The following MSI2 variants were observed in gnomAD, a reference collection of about 807,000 sequenced individuals.
MSI2 encodes the protein musashi RNA binding protein 2.
A neutral mutation model predicts 45.6 loss-of-function variants in MSI2; 17 were observed. That is an observed-to-expected ratio of 0.37 (90% CI 0.26 to 0.56). The LOEUF is 0.56. Among genes scored for constraint, MSI2 ranks in the 20% least tolerant of loss-of-function variants. The pLI is 0.77. For missense variants in MSI2, 293 were observed against 444.2 expected (o/e 0.66, Z 3.06); for synonymous variants, 156 against 158.2 (o/e 0.99, Z 0.11).
At chr17:57,648,442 T>A (rs1038014580) in intron 10 of MSI2, among the ~76,000 whole-genome samples, 1 of 152,144 alleles carries the variant, frequency 6.6e-6, no homozygotes, top group Admixed American at 6.5e-5. Context: ...TTGCCCAAAG[T>A]CACACAGCTA....
intron 7 of MSI2, among the ~76,000 whole-genome samples, chr17:57,590,384 T>A (rs917694733): frequency 6.6e-6 from 1 of 152,252 alleles, no homozygotes; most frequent in South Asian, 2.1e-4. Flanking sequence ...CATTTTAATT[T>A]TGAGGTATCT....
chr17:57,387,630 C>T (rs144843534), intron 5 of MSI2, among the ~76,000 whole-genome samples: 5 of 152,228 alleles, frequency 3.3e-5, no homozygotes, highest in East Asian at 1.9e-4. Context: ...GATGGGCTGG[C>T]GATGGATTGA....
intron 7 of MSI2, among the ~76,000 whole-genome samples, chr17:57,551,854 A>T (rs1000534471): frequency 6.6e-5 from 10 of 152,122 alleles, no homozygotes; most frequent in African/African-American, 2.4e-4. Flanking sequence ...AGGTGATTTT[A>T]TGTGCTGACC....
At chr17:57,316,226 T>C (rs1198429660) in intron 5 of MSI2, among the ~76,000 whole-genome samples, 1 of 152,118 alleles carries the variant, frequency 6.6e-6, no homozygotes. Flanking sequence ...ACATTTACAA[T>C]CTCTAAATTT....
At chr17:57,666,790 C>G (rs1377905223) in intron 11 of MSI2, among the ~76,000 whole-genome samples, 1 of 152,122 alleles carries the variant, frequency 6.6e-6, no homozygotes, top group African/African-American at 2.4e-5. Context: ...GAGCACACCA[C>G]AGAGCAGCAA....
At chr17:57,439,485 G>C (rs2084756378) in intron 6 of MSI2, among the ~76,000 whole-genome samples, 1 of 152,032 alleles carries the variant, frequency 6.6e-6, no homozygotes, top group Non-Finnish European at 1.5e-5. Context: ...GACCTCCCTT[G>C]AGGTGACTTT....
intron 8 of MSI2, chr17:57,602,149 G>A (rs986781681): frequency 2.6e-5 from 4 of 152,104 alleles, no homozygotes; most frequent in Non-Finnish European, 5.9e-5. Flanking sequence ...GGCCCAGGAT[G>A]GCTTTGAATG....
intron 6 of MSI2, among the ~76,000 whole-genome samples, chr17:57,470,908 A>G (rs929463295): frequency 6.6e-6 from 1 of 152,158 alleles, no homozygotes; most frequent in African/African-American, 2.4e-5. Flanking sequence ...TAGGGCCCTT[A>G]TGGAGGTTAA....
chr17:57,675,081 T>C lies in MSI2; in HGVS notation c.900T>C (p.Ser300=), dbSNP rs376818853. 21 of 1,613,888 alleles carry C rather than the reference T, an allele frequency of 1.3e-5. No individual in the cohort carries two copies. The highest frequency in any genetic ancestry group is 4.4e-5 in the South Asian group (4 of 91,074). Residue 300 remains serine (S), a synonymous_variant, in exon 12 of 14, where the codon AGT becomes AGC. Coordinates refer to ENST00000284073, the MANE Select transcript of MSI2 (RefSeq NM_138962.4). The stretch of plus-strand genomic sequence containing the variant: ...ACTCCGGAGTGGGGAATTACATAAG[T>C]GCGGCCAGCCCACAGCCGGGCTCGG... ...SQDSGVGNYI[S]AASPQPGSGF... is the part of the protein sequence containing the mutation.
chr17:57,405,697 G>T (rs1023111080), intron 6 of MSI2, among the ~76,000 whole-genome samples: 2 of 152,204 alleles, frequency 1.3e-5, no homozygotes, highest in Non-Finnish European at 2.9e-5. Context: ...CAGAAAAACT[G>T]TTATAGTATT....
intron 5 of MSI2, among the ~76,000 whole-genome samples, chr17:57,277,142 G>A (rs769192770): frequency 4.2e-5 from 6 of 144,102 alleles, no homozygotes; most frequent in African/African-American, 1.3e-4. Flanking sequence ...TGCAGCCTCC[G>A]CCTCCTGGGT....
intron 10 of MSI2, chr17:57,631,961 A>C (rs1268465448): frequency 8.9e-6 from 13 of 1,457,706 alleles, no homozygotes; most frequent in Non-Finnish European, 1.2e-5. Context: ...TGTTTGAATG[A>C]CTGTTCTTTT....
intron 6 of MSI2, among the ~76,000 whole-genome samples, chr17:57,468,370 A>G (rs1350425791): frequency 6.6e-6 from 1 of 151,626 alleles, no homozygotes; most frequent in Admixed American, 6.6e-5. Flanking sequence ...ATACAAAAAA[A>G]ATTAGCCGGG....
At chr17:57,388,315 A>G (rs144043157) in intron 5 of MSI2, among the ~76,000 whole-genome samples, 2 of 152,246 alleles carry the variant, frequency 1.3e-5, no homozygotes, top group African/African-American at 4.8e-5. Flanking sequence ...GCTGGGGGGA[A>G]TTTGACTTTT....
At chr17:57,410,593 T>TAAA (rs71139991) in intron 6 of MSI2, among the ~76,000 whole-genome samples, 2 of 149,384 alleles carry the variant, frequency 1.3e-5, no homozygotes, top group Non-Finnish European at 1.5e-5. Flanking sequence ...TTAATTAAAT[T>TAAA]AAAAAAAAAA....
intron 5 of MSI2, among the ~76,000 whole-genome samples, chr17:57,388,526 C>T (rs539301174): frequency 9.2e-5 from 14 of 152,310 alleles, no homozygotes; most frequent in African/African-American, 2.4e-4. Context: ...AATCCTAGCC[C>T]GCATGCGGGT....
chr17:57,313,404 CT>C (rs1912574253), intron 5 of MSI2, among the ~76,000 whole-genome samples: 1 of 152,208 alleles, frequency 6.6e-6, no homozygotes. Context: ...ATTACTTTCC[CT>C]TCCTGGTTTT....
intron 7 of MSI2, among the ~76,000 whole-genome samples, chr17:57,559,190 G>A (rs2087514354): frequency 6.6e-6 from 1 of 152,210 alleles, no homozygotes; most frequent in Non-Finnish European, 1.5e-5. Flanking sequence ...GAAGCACAAA[G>A]TGAGATGGAA....
intron 11 of MSI2, among the ~76,000 whole-genome samples, chr17:57,673,713 T>TGG (rs530129367): frequency 7.9e-5 from 12 of 151,978 alleles, no homozygotes; most frequent in African/African-American, 2.9e-4. Context: ...ATGATGGGAT[T>TGG]GGGGGGGCCG....
Sources: allele counts gnomAD v4.1 joint callset (sites outside exome capture counted in the v4.1 genomes callset), GRCh38; gene constraint gnomAD v4.1.1; transcripts MANE v1.5; gene names NCBI Gene and HGNC (gene_info 2026-07-23, HGNC 2026-07-21).